LAMP2: variants seen among roughly 807,000 people sequenced by gnomAD.
LAMP2 encodes lysosome-associated membrane glycoprotein 2.
A neutral mutation model predicts 25.6 loss-of-function variants in LAMP2; 4 were observed. That is an observed-to-expected ratio of 0.16 (90% confidence interval 0.08 to 0.36). The LOEUF is 0.36. LAMP2 is among the 10% of genes least tolerant of loss of function. LAMP2 has a pLI of 1.00. For missense variants in LAMP2, 272 were observed against 301.4 expected (o/e 0.90, Z 0.72); for synonymous variants, 108 against 112.7 (o/e 0.96, Z 0.27).
chrX:120,427,494 G>A lies in LAMP2; in HGVS notation c.*3829C>T, dbSNP rs1043232540. Among the ~76,000 whole-genome samples, 1 of 111,655 alleles carries A rather than the reference G, an allele frequency of 9.0e-6. No individual in the cohort carries two copies. Among genetic ancestry groups the A allele is most frequent in the African/African-American group, 3.3e-5 (1 of 30,711 alleles). On this transcript the variant is annotated 3_prime_UTR_variant, in exon 9 of 9. Transcript: ENST00000200639. ...TCTTAGTCCAGCTTTGGCTAGGCAG[G>A]CATCTGACTGATGACATATCAGGGC...
chrX:120,439,630 A>G (rs1266199717), intron 8 of LAMP2, among the ~76,000 whole-genome samples: 1 of 109,676 alleles, frequency 9.1e-6, no homozygotes, highest in Non-Finnish European at 1.9e-5. Flanking sequence ...TATATAATAT[A>G]TGCACATTAT....
chrX:120,454,333 G>T (rs1250108840), intron 3 of LAMP2, among the ~76,000 whole-genome samples: 1 of 110,805 alleles, frequency 9.0e-6, no homozygotes, highest in Non-Finnish European at 1.9e-5. Flanking sequence ...GTGTAATGAG[G>T]GACTACTACA....
Position 120,447,981 on chromosome X carries a change from T to C in LAMP2, c.601A>G (p.Ile201Val), listed in dbSNP as rs1362738445. 3.2e-5 allele frequency: 39 copies of C among 1,208,499 alleles called. No individual in the cohort carries two copies. The highest frequency in any genetic ancestry group is 4.2e-5 in the Non-Finnish European group (38 of 894,367). Residue 201 changes from isoleucine (I) to valine (V), a missense_variant, in exon 5 of 9, where the codon ATA (isoleucine) becomes GTA (valine). By Grantham distance (29) the Ile-to-Val change is conservative (BLOSUM62 3). Coordinates refer to ENST00000200639, the MANE Select transcript of LAMP2 (RefSeq NM_002294.3). ...KDKTSTVAPTIHTTVPSPTTT... is the reference protein window; with the variant it reads ...KDKTSTVAPTVHTTVPSPTTT... Reference sequence around the variant, plus strand: ...GTAGGAGATGGCACAGTGGTGTGTATGGTGGGTGCCACTGTTGAAGTTTTG... The same window carrying C: ...GTAGGAGATGGCACAGTGGTGTGTACGGTGGGTGCCACTGTTGAAGTTTTG...
At chrX:120,444,046 GAAAAAAGA>G (rs1369283762) in intron 6 of LAMP2, among the ~76,000 whole-genome samples, 1 of 109,369 alleles carries the variant, frequency 9.1e-6, no homozygotes, top group Admixed American at 9.8e-5. Context: ...GAAAAGAAAA[GAAAAAAGA>G]AAAGAAAGAA....
intron 1 of LAMP2, among the ~76,000 whole-genome samples, chrX:120,466,568 T>C (rs1921539511): frequency 9.0e-6 from 1 of 110,898 alleles, no homozygotes; most frequent in Admixed American, 9.6e-5. Flanking sequence ...TACAGAAGAG[T>C]TTCCTGCGCG....
intron 1 of LAMP2, among the ~76,000 whole-genome samples, chrX:120,464,566 T>C (rs998813618): frequency 9.9e-5 from 11 of 111,425 alleles, no homozygotes; most frequent in African/African-American, 3.6e-4. Context: ...ATAAGATTTA[T>C]TCCTATTTCC....
chrX:120,448,340 C>T (rs2058607285), intron 4 of LAMP2, among the ~76,000 whole-genome samples: 1 of 112,137 alleles, frequency 8.9e-6, no homozygotes, highest in African/African-American at 3.2e-5. Context: ...CTTTGCCTGC[C>T]TCTGATACGA....
chrX:120,431,427 C>A lies in LAMP2; in HGVS notation c.1129G>T (p.Val377Leu). Residue 377 changes from valine to leucine, a missense_variant, in exon 9 of 9, where the codon GTG becomes TTG. Transcript: ENST00000200639. ...DCSADDDNFL[V>L]PIAVGAALAG... is the part of the protein sequence containing the mutation. ...AAGGCAGCTCCCACCGCTATGGGCA[C>A]AAGGAAGTTGTCGTCATCTGCACTG... The A allele has an allele frequency of 8.3e-7, 1 of 1,211,292 alleles. No homozygotes were observed. The highest frequency in any genetic ancestry group is 1.1e-6 in the Non-Finnish European group (1 of 894,984).
intron 1 of LAMP2, among the ~76,000 whole-genome samples, chrX:120,468,234 C>G (rs1031868473): frequency 9.0e-6 from 1 of 111,376 alleles, no homozygotes; most frequent in Non-Finnish European, 1.9e-5. Flanking sequence ...TACTCCACCC[C>G]CAAAACCTCA....
chrX:120,428,850 C>T lies in LAMP2; in HGVS notation c.*2473G>A. 1 of 751,288 alleles carries T rather than the reference C, an allele frequency of 1.3e-6. No homozygotes were observed. The highest frequency in any genetic ancestry group is 1.6e-6 in the Non-Finnish European group (1 of 637,380). The allele number at this position is 751,288 out of a possible 1,213,427, so 61.9% of individuals were successfully genotyped here. A position where few individuals can be genotyped will look rare whatever the true frequency, so the allele number is the denominator to read the frequency against. On this transcript the variant is annotated 3_prime_UTR_variant, in exon 9 of 9. Transcript: ENST00000200639. ...AAGGTAAGGGAAGAATGGGAAGGGT[C>T]CAAAATAGAGAATTGCGCTTGCCTA...
Position 120,428,636 on chromosome X carries a change from A to C in LAMP2, c.*2687T>G. ...GCAGAACATTCTTCAGCTGTTAGAA[A>C]AGAACAGACAGCAAGGAAAGGAAAT... On this transcript the variant is annotated 3_prime_UTR_variant, in exon 9 of 9. Transcript: ENST00000200639. 8.6e-7 allele frequency: 1 copy of C among 1,166,133 alleles called. No homozygotes were observed. The highest frequency in any genetic ancestry group is 1.1e-6 in the Non-Finnish European group (1 of 876,387).
At chrX:120,451,454 A>C (rs1343913191) in intron 3 of LAMP2, among the ~76,000 whole-genome samples, 1 of 110,239 alleles carries the variant, frequency 9.1e-6, no homozygotes, top group Non-Finnish European at 1.9e-5. Context: ...GGCCTAAATT[A>C]GTTTTTTTTG....
At chrX:120,442,228 CAAAAAAAAAAA>C (rs1157951288) in intron 7 of LAMP2, among the ~76,000 whole-genome samples, 1 of 29,678 alleles carries the variant, frequency 3.4e-5, no homozygotes, top group Admixed American at 4.0e-4. Flanking sequence ...GACCCTGTCT[CAAAAAAAAAAA>C]AAAAAAAAAA....
chrX:120,466,783 ACT>A (rs1035739948), intron 1 of LAMP2, among the ~76,000 whole-genome samples: 25 of 111,087 alleles, frequency 2.3e-4, no homozygotes, highest in African/African-American at 7.9e-4. Context: ...CCACTGGAAA[ACT>A]CTGCTGTACA....
At chrX:120,453,493 G>A (rs771606182) in intron 3 of LAMP2, among the ~76,000 whole-genome samples, 1 of 112,037 alleles carries the variant, frequency 8.9e-6, no homozygotes, top group African/African-American at 3.2e-5. Flanking sequence ...GGGGGAGAAA[G>A]AAGAGAATTA....
At chrX:120,466,807 A>T (rs1019984376) in intron 1 of LAMP2, among the ~76,000 whole-genome samples, 1 of 109,320 alleles carries the variant, frequency 9.1e-6, no homozygotes, top group Admixed American at 9.8e-5. Context: ...TGGTGAGAGG[A>T]TGAGAGTGAA....
chrX:120,469,012 C>T (rs1008947470), intron 1 of LAMP2, 94 bp downstream of exon 1: 13 of 994,544 alleles, frequency 1.3e-5, no homozygotes, highest in Non-Finnish European at 1.9e-5. Flanking sequence ...GCCTCTCAAC[C>T]CCCTCCCCCT....
At chrX:120,432,596 G>A in intron 8 of LAMP2, among the ~76,000 whole-genome samples, 1 of 111,563 alleles carries the variant, frequency 9.0e-6, no homozygotes, top group Middle Eastern at 4.6e-3. Context: ...AGGCAAAATT[G>A]ACCAAACGGA....
Position 120,456,722 on chromosome X carries a change from T to C in LAMP2, c.112A>G (p.Asn38Asp). 8.4e-7 allele frequency: 1 copy of C among 1,191,641 alleles called. No individual in the cohort carries two copies. ...CATTTTGCATAAAGGCAAGTGGCAT[T>C]TTCTGAATCTGTCAAATTAAGTTCC... ...ALELNLTDSE[N>D]ATCLYAKWQM... Residue 38 changes from asparagine to aspartate, a missense_variant, in exon 2 of 9, where the codon AAT (asparagine) becomes GAT (aspartate). Asn to Asp is a conservative substitution (Grantham distance 23). Transcript: ENST00000200639.
Sources: gnomAD v4.1 joint callset for allele counts (sites outside exome capture counted in the v4.1 genomes callset) on GRCh38, gnomAD v4.1.1 for gene constraint, MANE v1.5 for transcripts, NCBI Gene and HGNC (gene_info 2026-07-23, HGNC 2026-07-21) for gene names.